Variants in AKAIN1 observed in about 807,000 individuals in gnomAD.
The protein encoded by AKAIN1 is A-kinase anchor inhibitor 1, also known as A-kinase anchor protein inhibitor 1.
A neutral mutation model predicts 3.7 loss-of-function variants in AKAIN1; 3 were observed. The ratio of observed to expected loss-of-function variants is 0.82; its 90% CI spans 0.37 to 2.12. The LOEUF is 2.12. Among genes scored for constraint, AKAIN1 ranks in the 30% most tolerant of loss-of-function variants. The pLI, the probability that AKAIN1 is intolerant of heterozygous loss-of-function variation, is 0.06. For synonymous variants in AKAIN1, 31 were observed against 30.8 expected (o/e 1.01, Z -0.02); for missense variants, 82 against 82.7 (o/e 0.99, Z 0.03).
intron 1 of AKAIN1, among the ~76,000 whole-genome samples, chr18:5,151,644 C>T (rs1209394961): frequency 6.6e-6 from 1 of 152,192 alleles, no homozygotes; most frequent in Non-Finnish European, 1.5e-5. Context: ...CCACCCTTAT[C>T]AAATCAGATA....
At chr18:5,187,042 C>T (rs376105410) in intron 1 of AKAIN1, among the ~76,000 whole-genome samples, 58 of 152,192 alleles carry the variant, frequency 3.8e-4, no homozygotes, top group East Asian at 2.3e-3. Flanking sequence ...TAAAGCAATG[C>T]TTAGCTGGAA....
chr18:5,164,354 G>A (rs886767901), intron 1 of AKAIN1, among the ~76,000 whole-genome samples: 1 of 151,868 alleles, frequency 6.6e-6, no homozygotes, highest in African/African-American at 2.4e-5. Flanking sequence ...TGTGACTTGG[G>A]GTAAGGTTAA....
chr18:5,182,930 C>G (rs368595782), intron 1 of AKAIN1, among the ~76,000 whole-genome samples: 1 of 152,176 alleles, frequency 6.6e-6, no homozygotes, highest in East Asian at 1.9e-4. Context: ...AGAAAAGGTG[C>G]TGGACATACG....
At chr18:5,171,775 G>T (rs768517650) in intron 1 of AKAIN1, among the ~76,000 whole-genome samples, 3 of 152,150 alleles carry the variant, frequency 2.0e-5, no homozygotes, top group Non-Finnish European at 4.4e-5. Context: ...ATGGAGAATA[G>T]TTTGGAGGTT....
chr18:5,164,984 T>A (rs1047877373), intron 1 of AKAIN1, among the ~76,000 whole-genome samples: 1 of 152,072 alleles, frequency 6.6e-6, no homozygotes, highest in Non-Finnish European at 1.5e-5. Flanking sequence ...TTTTCCTCTA[T>A]GATTTGAATT....
intron 1 of AKAIN1, among the ~76,000 whole-genome samples, chr18:5,192,414 T>TTTCTTTCTTTCTTTCTTTCC (rs1352650482): frequency 3.3e-5 from 4 of 121,920 alleles, no homozygotes; most frequent in Non-Finnish European, 5.4e-5. Context: ...TCTTTCTTTC[T>TTTCTTTCTTTCTTTCTTTCC]TTCTTTCTTT....
chr18:5,149,035 T>C (rs2071065362), intron 1 of AKAIN1, among the ~76,000 whole-genome samples: 1 of 152,186 alleles, frequency 6.6e-6, no homozygotes. Flanking sequence ...GGTTGCTCTG[T>C]CTACCACTGT....
intron 1 of AKAIN1, among the ~76,000 whole-genome samples, chr18:5,174,413 C>T (rs1430521314): frequency 6.6e-6 from 1 of 152,098 alleles, no homozygotes; most frequent in Non-Finnish European, 1.5e-5. Context: ...GCAAGTTTGC[C>T]CACTTGTATA....
rs150375669 is a variant in AKAIN1 at position 5,176,641 on chromosome 18, T to C, written c.16+20397A>G. On this transcript the variant is annotated intron_variant, in intron 1 of 1. Transcript: ENST00000434239. ...GTTTGGTGTTTTTCTGTCAGGACAA[T>C]GTGAGATTAGAAAAGGATGAGACAC... Among the ~76,000 whole-genome samples, 388 of 152,216 alleles carry C rather than the reference T, an allele frequency of 2.5e-3. 1 individual carries two copies. The highest frequency in any genetic ancestry group is 8.6e-3 in the African/African-American group (358 of 41,542).
At position 5,144,069 on chromosome 18, in the gene AKAIN1, A is replaced by G. The variant is rs1598302803; in HGVS notation, c.*1493T>C. ...TAAAAGAAATACTTGTGAGTAAACA[A>G]TCTTTAAATTTTAAGCCCTTCTGCT... On this transcript the variant is annotated 3_prime_UTR_variant, in exon 2 of 2. Coordinates refer to ENST00000434239, the MANE Select transcript of AKAIN1 (RefSeq NM_001145194.2). Among the ~76,000 whole-genome samples the G allele has an allele frequency of 2.0e-5, 3 of 152,256 alleles. No individual in the cohort carries two copies. The highest frequency in any genetic ancestry group is 3.9e-4 in the East Asian group (2 of 5,178).
At chr18:5,161,041 C>T (rs1482274134) in intron 1 of AKAIN1, among the ~76,000 whole-genome samples, 7 of 150,598 alleles carry the variant, frequency 4.6e-5, no homozygotes, top group African/African-American at 1.7e-4. Flanking sequence ...CTTTGAATTC[C>T]TATGTAAATT....
chr18:5,162,736 A>T (rs1192324364), intron 1 of AKAIN1, among the ~76,000 whole-genome samples: 1 of 151,748 alleles, frequency 6.6e-6, no homozygotes, highest in Non-Finnish European at 1.5e-5. Flanking sequence ...CTTTATAAAA[A>T]ATAAATCATC....
At chr18:5,191,326 C>T (rs568205603) in intron 1 of AKAIN1, among the ~76,000 whole-genome samples, 1 of 152,090 alleles carries the variant, frequency 6.6e-6, no homozygotes, top group Non-Finnish European at 1.5e-5. Context: ...GGTCAACATG[C>T]AAAATTGAAC....
intron 1 of AKAIN1, among the ~76,000 whole-genome samples, chr18:5,152,967 T>G (rs2071087851): frequency 6.6e-6 from 1 of 152,146 alleles, no homozygotes; most frequent in South Asian, 2.1e-4. Flanking sequence ...CAGCATAGCT[T>G]CAGTAGTCTG....
intron 1 of AKAIN1, 79 bp from the exon 2 acceptor site, chr18:5,145,834 G>T: frequency 8.0e-7 from 1 of 1,247,860 alleles, no homozygotes; most frequent in Non-Finnish European, 1.1e-6. Flanking sequence ...AGAGGAGAAA[G>T]ATGGGAGGGA....
intron 1 of AKAIN1, among the ~76,000 whole-genome samples, chr18:5,154,975 T>G (rs893997743): frequency 6.6e-6 from 1 of 152,060 alleles, no homozygotes; most frequent in African/African-American, 2.4e-5. Context: ...TTTGTAGAGA[T>G]AGTGTCTTGC....
chr18:5,188,528 C>T (rs1365619646), intron 1 of AKAIN1, among the ~76,000 whole-genome samples: 1 of 152,010 alleles, frequency 6.6e-6, no homozygotes, highest in Non-Finnish European at 1.5e-5. Context: ...CCCCTGAGCC[C>T]CTTTACACTT....
intron 1 of AKAIN1, among the ~76,000 whole-genome samples, chr18:5,189,040 A>AC (rs2071303616): frequency 6.6e-6 from 1 of 152,158 alleles, no homozygotes; most frequent in Non-Finnish European, 1.5e-5. Flanking sequence ...TACAGCTTGT[A>AC]CCTTTTAGAG....
At chr18:5,196,981 C>A in intron 1 of AKAIN1, 57 bp downstream of exon 1, 1 of 1,449,068 alleles carries the variant, frequency 6.9e-7, no homozygotes, top group African/African-American at 1.4e-5. Flanking sequence ...CTCTCCTCTC[C>A]GTCCTCTACC....
Sources: allele counts gnomAD v4.1 joint callset (sites outside exome capture counted in the v4.1 genomes callset), GRCh38; gene constraint gnomAD v4.1.1; transcripts MANE v1.5; gene names NCBI Gene and HGNC (gene_info 2026-07-23, HGNC 2026-07-21).